ECM2: variants seen among roughly 807,000 people sequenced by gnomAD.
ECM2 encodes the protein extracellular matrix protein 2.
A neutral mutation model predicts 67.5 loss-of-function variants in ECM2; 57 were observed. That is an observed-to-expected ratio of 0.84 (90% CI 0.68 to 1.05). The LOEUF (loss-of-function observed/expected upper bound fraction) is 1.05. ECM2 is among the 50% of genes least tolerant of loss of function. The pLI is 0.00. For missense variants in ECM2, 741 were observed against 822.8 expected (o/e 0.90, Z 1.22); for synonymous variants, 258 against 294.5 (o/e 0.88, Z 1.27).
At chr9:92,546,656 G>A in the ECM2 span, among the ~76,000 whole-genome samples, 1 of 152,148 alleles carries the variant, frequency 6.6e-6, no homozygotes, top group African/African-American at 2.4e-5. Flanking sequence ...CTGCCTTTAA[G>A]AACTGTAACA....
At chr9:92,532,592 ACT>A (rs1338694618) in intron 1 of ECM2, among the ~76,000 whole-genome samples, 2 of 151,486 alleles carry the variant, frequency 1.3e-5, no homozygotes, top group Admixed American at 1.3e-4. Context: ...GTTCATTGAT[ACT>A]CTCTTCATCT....
chr9:92,540,275 A>G (rs1849286037), upstream of ECM2, among the ~76,000 whole-genome samples: 1 of 152,060 alleles, frequency 6.6e-6, no homozygotes, highest in South Asian at 2.1e-4. Flanking sequence ...TGTCTCTACT[A>G]AAAATACAAA....
chr9:92,515,604 T>C (rs1192892910), intron 3 of ECM2, among the ~76,000 whole-genome samples: 1 of 152,244 alleles, frequency 6.6e-6, no homozygotes, highest in Non-Finnish European at 1.5e-5. Flanking sequence ...ACTGGGGCTA[T>C]TGCTAATGTG....
At chr9:92,552,423 G>A in the ECM2 span, among the ~76,000 whole-genome samples, 1 of 152,168 alleles carries the variant, frequency 6.6e-6, no homozygotes, top group Non-Finnish European at 1.5e-5. Flanking sequence ...TCTCTACACT[G>A]TTTCCCATAG....
At chr9:92,511,972 G>T in intron 5 of ECM2, 39 bp downstream of exon 5, 1 of 1,456,714 alleles carries the variant, frequency 6.9e-7, no homozygotes, top group Non-Finnish European at 9.5e-7. Flanking sequence ...TCATAGTGAA[G>T]CCATTCATCC....
chr9:92,527,211 A>G (rs1208220726), intron 1 of ECM2, among the ~76,000 whole-genome samples: 1 of 152,094 alleles, frequency 6.6e-6, no homozygotes, highest in African/African-American at 2.4e-5. Flanking sequence ...GGATTTCACT[A>G]TGTTGCCCAG....
chr9:92,505,294 C>T (rs1401482886), intron 7 of ECM2, among the ~76,000 whole-genome samples: 3 of 152,112 alleles, frequency 2.0e-5, no homozygotes, highest in African/African-American at 7.2e-5. Flanking sequence ...CCCATTTCCC[C>T]CAAGAGCTAT....
At chr9:92,494,127 C>G, downstream of ECM2, 1 of 1,597,760 alleles carries the variant, frequency 6.3e-7, no homozygotes, top group Non-Finnish European at 8.5e-7. Context: ...GTCACTGTCT[C>G]TAGAACAGCA....
chr9:92,557,664 G>T, the ECM2 span, among the ~76,000 whole-genome samples: 1 of 152,066 alleles, frequency 6.6e-6, no homozygotes, highest in African/African-American at 2.4e-5. Context: ...TGTGTTTTGA[G>T]ACAGAGTCTT....
chr9:92,533,328 A>AAAAAAAAAAAAAAT (rs1554683138), intron 1 of ECM2, among the ~76,000 whole-genome samples: 1 of 38,332 alleles, frequency 2.6e-5, no homozygotes, highest in Non-Finnish European at 4.3e-5. Flanking sequence ...AAAAAAAAAA[A>AAAAAAAAAAAAAAT]ATATATATAT....
chr9:92,498,556 AAAT>A (rs1482809172), intron 9 of ECM2, among the ~76,000 whole-genome samples: 3 of 152,122 alleles, frequency 2.0e-5, no homozygotes, highest in Admixed American at 1.3e-4. Flanking sequence ...ACACAGTCAA[AAAT>A]AATATTAATT....
Position 92,495,404 on chromosome 9 carries a change from G to A in ECM2, c.*911C>T. ...TTTCAATTGAACCGAATAAAATGAT[G>A]TATTTCAGTAAATTAAGGCAAAGGA... is the stretch of plus-strand genomic sequence containing the variant. On this transcript the variant is annotated 3_prime_UTR_variant, in exon 10 of 10. Transcript: ENST00000344604. 1 of 984,986 alleles carries A rather than the reference G, an allele frequency of 1.0e-6. No homozygotes were observed. Among genetic ancestry groups the A allele is most frequent in the Non-Finnish European group, 1.2e-6 (1 of 829,598 alleles). 61.0% of individuals were successfully genotyped at this position (984,986 alleles called of 1,614,324 possible).
At chr9:92,494,498 A>C (rs1041575714), downstream of ECM2, among the ~76,000 whole-genome samples, 1 of 152,312 alleles carries the variant, frequency 6.6e-6, no homozygotes, top group South Asian at 2.1e-4. Flanking sequence ...TCTTCCTAAC[A>C]ACCTGCTATA....
At chr9:92,550,580 G>T in the ECM2 span, among the ~76,000 whole-genome samples, 6 of 150,872 alleles carry the variant, frequency 4.0e-5, no homozygotes, top group Admixed American at 3.3e-4. Context: ...TTGATTTCCT[G>T]TCCTGCTGTA....
chr9:92,535,935 G>A lies in ECM2; in HGVS notation c.-30C>T. ...CTTAAAATTTAAAACTTTTTTACCT[G>A]GAGATCTAAACTAAGTAGGCTTTGC... is the stretch of plus-strand genomic sequence containing the variant. On this transcript the variant is annotated splice_region_variant and 5_prime_UTR_variant, in exon 1 of 10. Coordinates refer to ENST00000344604, the MANE Select transcript of ECM2 (RefSeq NM_001393.4). The A allele has an allele frequency of 2.1e-6, 1 of 473,270 alleles. No homozygotes were observed. The highest frequency in any genetic ancestry group is 1.6e-5 in the South Asian group (1 of 62,278). The allele number at this position is 473,270 out of a possible 1,614,324, so 29.3% of individuals were successfully genotyped here. A position where few individuals can be genotyped will look rare whatever the true frequency, so the allele number is the denominator to read the frequency against.
At chr9:92,506,555 C>A (rs994654521) in intron 6 of ECM2, among the ~76,000 whole-genome samples, 7 of 152,140 alleles carry the variant, frequency 4.6e-5, no homozygotes, top group Admixed American at 3.9e-4. Flanking sequence ...CTATTCAACC[C>A]CCTTCATGGG....
At chr9:92,517,417 T>C in intron 3 of ECM2, 1 of 579,174 alleles carries the variant, frequency 1.7e-6, no homozygotes, top group Non-Finnish European at 3.0e-6. Context: ...TGTTACCATA[T>C]CTCTAAAGCT....
At chr9:92,505,799 A>C in intron 6 of ECM2, 109 bp from the exon 7 acceptor site, 1 of 904,488 alleles carries the variant, frequency 1.1e-6, no homozygotes. Flanking sequence ...GAGGGCAAAT[A>C]CAGTTTTTTT....
the ECM2 span, among the ~76,000 whole-genome samples, chr9:92,546,957 A>G: frequency 1.3e-5 from 2 of 152,192 alleles, no homozygotes; most frequent in Non-Finnish European, 1.5e-5. Context: ...GCATAACTAT[A>G]TTACAAACTG....
Sources: gnomAD v4.1 joint callset for allele counts (sites outside exome capture counted in the v4.1 genomes callset) on GRCh38, gnomAD v4.1.1 for gene constraint, MANE v1.5 for transcripts, NCBI Gene and HGNC (gene_info 2026-07-23, HGNC 2026-07-21) for gene names.